MYT1L: variants seen among roughly 807,000 people sequenced by gnomAD.
The protein encoded by MYT1L is myelin transcription factor 1 like.
A neutral mutation model predicts 126.7 loss-of-function variants in MYT1L; 12 were observed. The ratio of observed to expected loss-of-function variants is 0.09; its 90% CI spans 0.06 to 0.15. MYT1L has a LOEUF of 0.15. Ranked by LOEUF, MYT1L falls within the 10% of genes least tolerant of loss-of-function variation. The probability of loss-of-function intolerance (pLI) is 1.00; values close to 1 mark genes in which losing one functional copy is unlikely to be tolerated. For synonymous variants in MYT1L, 541 were observed against 604.2 expected, an observed-to-expected ratio of 0.90 and a Z score of 1.53; for missense variants, 979 against 1,585.2, an observed-to-expected ratio of 0.62 and a Z score of 6.49.
chr2:2,053,902 A>G (rs1450668640), intron 4 of MYT1L, 76 bp downstream of exon 4: 4 of 152,700 alleles, frequency 2.6e-5, no homozygotes, highest in South Asian at 2.1e-4. Flanking sequence ...TCAAAGTAAC[A>G]TATTTTAAGG....
At chr2:1,981,173 C>G (rs548868856) in intron 5 of MYT1L, among the ~76,000 whole-genome samples, 1 of 152,322 alleles carries the variant, frequency 6.6e-6, no homozygotes, top group East Asian at 1.9e-4. Context: ...TTTATAGCAA[C>G]TAACCAGCAG....
chr2:2,053,710 A>G (rs1171152477), intron 4 of MYT1L, among the ~76,000 whole-genome samples: 1 of 152,214 alleles, frequency 6.6e-6, no homozygotes, highest in Non-Finnish European at 1.5e-5. Context: ...GCCTATTAGT[A>G]TGCTTATCAA....
intron 1 of MYT1L, among the ~76,000 whole-genome samples, chr2:2,309,200 A>G (rs1201844796): frequency 1.3e-5 from 2 of 151,740 alleles, no homozygotes; most frequent in Non-Finnish European, 2.9e-5. Flanking sequence ...GGTATACTCT[A>G]CCCATACTCC....
At chr2:2,211,815 A>AAAAAAACAAACAAACAAAC (rs2093523659) in intron 2 of MYT1L, among the ~76,000 whole-genome samples, 1 of 132,960 alleles carries the variant, frequency 7.5e-6, no homozygotes, top group African/African-American at 2.7e-5. Context: ...AAAAAAAAAA[A>AAAAAAACAAACAAACAAAC]AAAAAACCAA....
At chr2:1,866,468 GA>G (rs2045488831) in intron 18 of MYT1L, among the ~76,000 whole-genome samples, 1 of 148,932 alleles carries the variant, frequency 6.7e-6, no homozygotes, top group African/African-American at 2.5e-5. Flanking sequence ...GGCAGAGAGA[GA>G]GAGGGAGGAG....
chr2:1,995,078 T>C (rs1272404694), intron 5 of MYT1L, among the ~76,000 whole-genome samples: 1 of 151,864 alleles, frequency 6.6e-6, no homozygotes, highest in Non-Finnish European at 1.5e-5. Flanking sequence ...AGTTATTAAA[T>C]GGGAAACATG....
Position 1,897,041 on chromosome 2 carries a change from A to G in MYT1L, c.2033-4754T>C, listed in dbSNP as rs1404188178. Among the ~76,000 whole-genome samples, 4 of 152,334 alleles carry G rather than the reference A, an allele frequency of 2.6e-5. No homozygotes were observed. The South Asian group carries it at 6.2e-4, about 24-fold the overall frequency. On this transcript the variant is annotated intron_variant, in intron 14 of 24. Coordinates refer to ENST00000647738, the MANE Select transcript of MYT1L (RefSeq NM_001303052.2). ...ATTTTAGTCGGTGACTGAACTGTCA[A>G]GAGTCTTTTGATGTGCCTATCAACT...
At chr2:2,293,552 C>G (rs893080219) in intron 1 of MYT1L, among the ~76,000 whole-genome samples, 1 of 152,168 alleles carries the variant, frequency 6.6e-6, no homozygotes, top group African/African-American at 2.4e-5. Flanking sequence ...CTTAGAAGAA[C>G]GAAGGCTTCC....
chr2:1,976,416 C>T (rs1021161047), intron 8 of MYT1L, among the ~76,000 whole-genome samples: 2 of 152,140 alleles, frequency 1.3e-5, no homozygotes, highest in East Asian at 1.9e-4. Flanking sequence ...CCGAGGCGGG[C>T]GGATCACCGG....
intron 2 of MYT1L, among the ~76,000 whole-genome samples, chr2:2,207,894 G>A (rs1015734207): frequency 6.6e-6 from 1 of 152,186 alleles, no homozygotes; most frequent in Admixed American, 6.5e-5. Context: ...GGCATGATGT[G>A]CGGTGTATTC....
intron 18 of MYT1L, among the ~76,000 whole-genome samples, chr2:1,867,023 G>A (rs1029815897): frequency 7.1e-6 from 1 of 140,856 alleles, no homozygotes; most frequent in Non-Finnish European, 1.5e-5. Context: ...AGGGATGGGG[G>A]AGAGAGGGAG....
At chr2:1,998,850 T>C (rs2062105266) in intron 4 of MYT1L, among the ~76,000 whole-genome samples, 2 of 152,054 alleles carry the variant, frequency 1.3e-5, no homozygotes, top group African/African-American at 2.4e-5. Context: ...TTGGATCTTA[T>C]GTGCCTGCTC....
At chr2:2,031,262 G>C (rs1023190751) in intron 4 of MYT1L, among the ~76,000 whole-genome samples, 10 of 152,242 alleles carry the variant, frequency 6.6e-5, no homozygotes, top group Non-Finnish European at 1.0e-4. Context: ...GCATGAAAGA[G>C]GGCTGGGAGA....
intron 4 of MYT1L, among the ~76,000 whole-genome samples, chr2:2,045,928 C>T (rs2068125389): frequency 6.6e-6 from 1 of 152,174 alleles, no homozygotes; most frequent in Admixed American, 6.5e-5. Flanking sequence ...CCCCAGGGTG[C>T]ACATCCTGAC....
At chr2:2,003,013 C>G (rs762950269) in intron 4 of MYT1L, among the ~76,000 whole-genome samples, 1 of 152,128 alleles carries the variant, frequency 6.6e-6, no homozygotes, top group Non-Finnish European at 1.5e-5. Context: ...AAATTAGTCT[C>G]CAGTGTGTCC....
intron 5 of MYT1L, among the ~76,000 whole-genome samples, chr2:1,987,290 A>G (rs1418020965): frequency 6.6e-6 from 1 of 151,528 alleles, no homozygotes; most frequent in Admixed American, 6.6e-5. Flanking sequence ...TCCAGGCTTT[A>G]TATCAAAACC....
chr2:1,805,873 G>A (rs1344934841), intron 22 of MYT1L, among the ~76,000 whole-genome samples: 1 of 152,114 alleles, frequency 6.6e-6, no homozygotes, highest in African/African-American at 2.4e-5. Context: ...GTGACAGAGC[G>A]AGACCCAGTC....
At chr2:2,017,684 A>G (rs918020026) in intron 4 of MYT1L, among the ~76,000 whole-genome samples, 3 of 152,202 alleles carry the variant, frequency 2.0e-5, no homozygotes, top group Admixed American at 1.3e-4. Flanking sequence ...TTGCAAAATT[A>G]TAAGTATAAT....
In MYT1L at chr2:1,844,978, T is replaced by C. The variant is rs1220133490; in HGVS notation, c.2775-4135A>G. The stretch of plus-strand genomic sequence containing the variant: ...TTCTTAGGATTTGGATCCATCTTCC[T>C]TTTTTTTTTTTTTTTTGAGACAGAG... On this transcript the variant is annotated intron_variant, in intron 19 of 24. Transcript: ENST00000647738. Among the ~76,000 whole-genome samples the C allele has an allele frequency of 1.0e-4, 5 of 47,996 alleles. No homozygotes were observed. The East Asian group carries it at 3.7e-3, about 35-fold the overall frequency. The allele number at this position is 47,996 out of a possible 152,430, so 31.5% of individuals were successfully genotyped here.
Sources: gnomAD v4.1 joint callset for allele counts (sites outside exome capture counted in the v4.1 genomes callset) on GRCh38, gnomAD v4.1.1 for gene constraint, MANE v1.5 for transcripts, NCBI Gene and HGNC (gene_info 2026-07-23, HGNC 2026-07-21) for gene names.